The following BCAT1 variants were observed in gnomAD, a reference collection of about 807,000 sequenced individuals.
BCAT1 encodes the protein branched chain amino acid transaminase 1, also known as branched-chain-amino-acid aminotransferase, cytosolic.
Under a neutral mutation model 52.4 loss-of-function variants are expected in BCAT1, and 48 were observed. The observed-to-expected ratio is 0.92, with a 90% CI of 0.73 to 1.16. The LOEUF (loss-of-function observed/expected upper bound fraction) is 1.16. Among genes scored for constraint, BCAT1 ranks in the 50% most tolerant of loss-of-function variants. The probability of loss-of-function intolerance (pLI) is 0.00; values close to 1 mark genes in which losing one functional copy is unlikely to be tolerated. For synonymous variants in BCAT1, 167 were observed against 161.3 expected, an observed-to-expected ratio of 1.04 and a Z score of -0.27; for missense variants, 451 against 457.1, an observed-to-expected ratio of 0.99 and a Z score of 0.12.
chr12:24,914,083 CTTTTT>C (rs34717106), intron 1 of BCAT1, among the ~76,000 whole-genome samples: 1 of 135,698 alleles, frequency 7.4e-6, no homozygotes. Context: ...GGTAGATTAT[CTTTTT>C]TTTTTTTTTT....
chr12:24,827,285 A>T (rs567884474), intron 10 of BCAT1, among the ~76,000 whole-genome samples: 244 of 148,900 alleles, frequency 1.6e-3, no homozygotes, highest in African/African-American at 6.0e-3. Flanking sequence ...AGGCAACCTT[A>T]AAAAAATTAA....
In BCAT1 at chr12:24,888,205, TAA is replaced by T. The variant is rs895651662; in HGVS notation, c.279+6068_279+6069del. On this transcript the variant is annotated intron_variant, in intron 3 of 10. Transcript: ENST00000261192. ...CCTGCCTAACTTTCCATGTGGGGGT[TAA>T]AAAAAAAAGACAGAAAACAGGCCAG... Among the ~76,000 whole-genome samples the T allele has an allele frequency of 2.7e-5, 4 of 148,152 alleles. No individual in the cohort carries two copies. The Admixed American group carries it at 2.7e-4, about 10-fold the overall frequency.
At chr12:24,946,566 A>G (rs569320398) in intron 1 of BCAT1, among the ~76,000 whole-genome samples, 1 of 152,262 alleles carries the variant, frequency 6.6e-6, no homozygotes. Flanking sequence ...TTCCAGGAAC[A>G]TAATGAGTGA....
chr12:24,842,274 C>T (rs780048756), intron 6 of BCAT1, 50 bp from the exon 7 acceptor site: 6 of 1,592,294 alleles, frequency 3.8e-6, no homozygotes, highest in Non-Finnish European at 5.2e-6. Flanking sequence ...CATCCCCACT[C>T]CCTCATCTTC....
intron 3 of BCAT1, among the ~76,000 whole-genome samples, chr12:24,891,205 G>A (rs1026587552): frequency 2.0e-5 from 3 of 152,170 alleles, no homozygotes; most frequent in African/African-American, 7.2e-5. Flanking sequence ...CTCTGTGACT[G>A]CCATCCTGAG....
At chr12:24,840,825 C>T (rs1280710597) in intron 7 of BCAT1, among the ~76,000 whole-genome samples, 1 of 152,240 alleles carries the variant, frequency 6.6e-6, no homozygotes, top group African/African-American at 2.4e-5. Context: ...TTAATTGAAA[C>T]TACTAACACT....
chr12:24,870,735 G>C (rs554280282), intron 5 of BCAT1, among the ~76,000 whole-genome samples: 8 of 152,180 alleles, frequency 5.3e-5, no homozygotes, highest in Non-Finnish European at 1.0e-4. Flanking sequence ...CTGCTCACAA[G>C]ATTGTTATCA....
intron 3 of BCAT1, among the ~76,000 whole-genome samples, chr12:24,886,314 A>G (rs1157969719): frequency 6.6e-6 from 1 of 152,276 alleles, no homozygotes; most frequent in East Asian, 1.9e-4. Context: ...GCAACTAAGG[A>G]GGCTGAGGCA....
intron 2 of BCAT1, among the ~76,000 whole-genome samples, chr12:24,896,726 A>C (rs1942968606): frequency 6.6e-6 from 1 of 152,164 alleles, no homozygotes; most frequent in African/African-American, 2.4e-5. Context: ...GAGACACACC[A>C]GTGCACTCCA....
At chr12:24,943,920 C>T (rs953562641) in intron 1 of BCAT1, among the ~76,000 whole-genome samples, 1 of 151,652 alleles carries the variant, frequency 6.6e-6, no homozygotes, top group Admixed American at 6.6e-5. Context: ...GGAGGCGGAG[C>T]TTGCAGTGAG....
Position 24,948,961 on chromosome 12 carries a change from G to A in BCAT1, c.-29C>T. 6.3e-7 allele frequency: 1 copy of A among 1,588,884 alleles called. No homozygotes were observed. ...TCCGTCGGCCACGAGGGAAGCTCGA[G>A]CTGAGCGGAGGGCAGATCCCAAGGG... On this transcript the variant is annotated 5_prime_UTR_variant, in exon 1 of 11. Transcript: ENST00000261192.
At chr12:24,882,602 T>TA (rs902960204) in intron 3 of BCAT1, among the ~76,000 whole-genome samples, 4 of 151,750 alleles carry the variant, frequency 2.6e-5, no homozygotes, top group East Asian at 3.9e-4. Context: ...TATTTATTTT[T>TA]TTTTTTTGAG....
intron 3 of BCAT1, among the ~76,000 whole-genome samples, chr12:24,885,622 A>G (rs1429530698): frequency 6.6e-6 from 1 of 152,220 alleles, no homozygotes; most frequent in Non-Finnish European, 1.5e-5. Flanking sequence ...CTTGGAGAAC[A>G]AAGTAGAAGG....
intron 3 of BCAT1, among the ~76,000 whole-genome samples, chr12:24,890,832 AATTTT>A: frequency 6.6e-6 from 1 of 152,204 alleles, no homozygotes; most frequent in South Asian, 2.1e-4. Context: ...TTTCTTAATA[AATTTT>A]ATTTTACTTT....
chr12:24,831,725 G>A (rs569761269), intron 9 of BCAT1, among the ~76,000 whole-genome samples: 1 of 152,330 alleles, frequency 6.6e-6, no homozygotes, highest in Non-Finnish European at 1.5e-5. Context: ...TCCCTGTGTT[G>A]TTCAAGGATC....
At chr12:24,864,811 C>G (rs1024721972) in intron 5 of BCAT1, among the ~76,000 whole-genome samples, 1 of 152,108 alleles carries the variant, frequency 6.6e-6, no homozygotes, top group African/African-American at 2.4e-5. Flanking sequence ...CACTGCAACC[C>G]CACCACCCTA....
intron 7 of BCAT1, among the ~76,000 whole-genome samples, chr12:24,837,703 A>G (rs1057196426): frequency 6.6e-6 from 1 of 152,098 alleles, no homozygotes; most frequent in Non-Finnish European, 1.5e-5. Flanking sequence ...CTGAGATTAC[A>G]GATGTGAGCC....
At chr12:24,940,290 T>TA (rs1366932818) in intron 1 of BCAT1, among the ~76,000 whole-genome samples, 1 of 152,098 alleles carries the variant, frequency 6.6e-6, no homozygotes, top group East Asian at 1.9e-4. Flanking sequence ...TTAATATGGT[T>TA]AAAACAATCC....
chr12:24,878,411 G>A lies in BCAT1; in HGVS notation c.510+119C>T. The A allele has an allele frequency of 3.5e-6, 3 of 869,346 alleles. No individual in the cohort carries two copies. In the South Asian group the frequency reaches 9.1e-5, roughly 26 times the overall value. 53.9% of individuals were successfully genotyped at this position (869,346 alleles called of 1,614,324 possible). A position where few individuals can be genotyped will look rare whatever the true frequency, so the allele number is the denominator to read the frequency against. On this transcript the variant is annotated intron_variant, in intron 5 of 10. Coordinates refer to ENST00000261192, the MANE Select transcript of BCAT1 (RefSeq NM_005504.7). The stretch of plus-strand genomic sequence containing the variant: ...CTCTAATCTTGACAATCAGAAGGAA[G>A]AAGTCATTAATGATGCTACTGGGGG...
Sources: gnomAD v4.1 joint callset for allele counts (sites outside exome capture counted in the v4.1 genomes callset) on GRCh38, gnomAD v4.1.1 for gene constraint, MANE v1.5 for transcripts, NCBI Gene and HGNC (gene_info 2026-07-23, HGNC 2026-07-21) for gene names.